The following PTK2 variants were observed in gnomAD, a reference collection of about 807,000 sequenced individuals.
The protein encoded by PTK2 is protein tyrosine kinase 2, also known as focal adhesion kinase 1.
In PTK2, 45 loss-of-function variants were observed where a neutral mutation model predicts 150.1. That is an observed-to-expected ratio of 0.30 (90% CI 0.24 to 0.38). The LOEUF (loss-of-function observed/expected upper bound fraction) is 0.38. Ranked by LOEUF, PTK2 falls within the 10% of genes least tolerant of loss-of-function variation. PTK2 has a pLI of 1.00. For missense variants in PTK2, 919 were observed against 1,307.3 expected (o/e 0.70, Z 4.58); for synonymous variants, 432 against 449.2 (o/e 0.96, Z 0.48).
intron 10 of PTK2, among the ~76,000 whole-genome samples, chr8:140,817,411 G>A (rs1465846182): frequency 6.6e-6 from 1 of 152,096 alleles, no homozygotes; most frequent in Non-Finnish European, 1.5e-5. Flanking sequence ...GTCAAGGTAT[G>A]AATAAATTAA....
At chr8:140,689,229 C>A (rs1326514015) in intron 26 of PTK2, among the ~76,000 whole-genome samples, 1 of 152,150 alleles carries the variant, frequency 6.6e-6, no homozygotes, top group Non-Finnish European at 1.5e-5. Flanking sequence ...TCTGCCACTG[C>A]CTGAATGAAG....
chr8:140,780,908 G>A (rs1429781470), intron 14 of PTK2, among the ~76,000 whole-genome samples: 3 of 152,098 alleles, frequency 2.0e-5, no homozygotes. Context: ...ATGATGATAC[G>A]AAAAATCATG....
At chr8:140,792,074 A>G (rs1199940104) in intron 13 of PTK2, among the ~76,000 whole-genome samples, 1 of 152,228 alleles carries the variant, frequency 6.6e-6, no homozygotes, top group Non-Finnish European at 1.5e-5. Flanking sequence ...AGAAGTACAC[A>G]GAAAAGAGTT....
intron 8 of PTK2, among the ~76,000 whole-genome samples, chr8:140,828,605 T>C (rs1416214761): frequency 2.6e-5 from 4 of 152,208 alleles, no homozygotes; most frequent in African/African-American, 4.8e-5. Context: ...GACATAACCA[T>C]CAACAGAACA....
intron 2 of PTK2, among the ~76,000 whole-genome samples, chr8:140,915,033 C>CAAAAAA (rs10661609): frequency 4.9e-4 from 26 of 53,036 alleles, no homozygotes; most frequent in Non-Finnish European, 6.5e-4. Context: ...AACTCCAACT[C>CAAAAAA]AAAAAAAAAA....
rs73356570 is a variant in PTK2, at chr8:140,983,498, C to G, written c.-122+17627G>C. 4.2e-3 allele frequency among the ~76,000 whole-genome samples: 645 copies of G among 152,180 alleles called. 9 individuals carry two copies. The highest frequency in any genetic ancestry group is 0.015 in the African/African-American group (604 of 41,510). On this transcript the variant is annotated intron_variant, in intron 1 of 31. Coordinates refer to ENST00000522684, the Ensembl canonical transcript of PTK2. ...TGTATTATCTTAAAGTTTTCCAAGT[C>G]CTTGTTGAAGCCCCAATACAAACAC...
chr8:140,884,457 C>T lies in PTK2; in HGVS notation c.196-4820G>A, dbSNP rs1300044404. Among the ~76,000 whole-genome samples the T allele has an allele frequency of 4.6e-5, 7 of 152,244 alleles. No homozygotes were observed. The East Asian group carries it at 9.7e-4, about 21-fold the overall frequency. ...ATTTGAATCCGTAACAATCAATGTT[C>T]AATTGATTGTTATTAATAATCAATT... On this transcript the variant is annotated intron_variant, in intron 3 of 31. Transcript: ENST00000522684.
At chr8:140,659,531 T>C in exon 32 of PTK2, 1 of 1,613,824 alleles carries the variant, frequency 6.2e-7, no homozygotes, top group Non-Finnish European at 8.5e-7. Context: ...AGTAAGTTTT[T>C]GGCATCCACA....
At chr8:140,890,716 G>A in exon 3 of PTK2, 1 of 1,614,046 alleles carries the variant, frequency 6.2e-7, no homozygotes, top group Non-Finnish European at 8.5e-7. Context: ...TTCAAGTTGG[G>A]GTCAAGGTAA....
chr8:140,727,636 C>T (rs1257667505), intron 22 of PTK2, among the ~76,000 whole-genome samples: 3 of 151,994 alleles, frequency 2.0e-5, no homozygotes, highest in African/African-American at 7.3e-5. Flanking sequence ...CCTAGAACTT[C>T]TAATTTAAAG....
chr8:140,816,647 T>C (rs964919657), intron 10 of PTK2, among the ~76,000 whole-genome samples: 2 of 152,224 alleles, frequency 1.3e-5, no homozygotes, highest in African/African-American at 4.8e-5. Flanking sequence ...GTACATGATA[T>C]GAGCAGTTAA....
At chr8:140,993,334 G>A (rs1038396156) in intron 1 of PTK2, among the ~76,000 whole-genome samples, 1 of 152,136 alleles carries the variant, frequency 6.6e-6, no homozygotes, top group African/African-American at 2.4e-5. Context: ...TTTAAGTGAC[G>A]TTCTTTACCA....
rs539291385 is a variant in PTK2 at position 140,745,898 on chromosome 8, G to C, written c.1518+862C>G. ...GCCTGTAGTCCCAGATACTCAGGAG[G>C]CTGAGGCAAGAGTAGTGCTTGAACC... On this transcript the variant is annotated intron_variant, in intron 18 of 31. Coordinates refer to ENST00000522684, the Ensembl canonical transcript of PTK2. Among the ~76,000 whole-genome samples the C allele has an allele frequency of 1.7e-3, 263 of 151,832 alleles. 1 individual carries two copies. The highest frequency in any genetic ancestry group is 5.9e-3 in the African/African-American group (243 of 41,356).
At chr8:140,799,184 A>T (rs2100093494) in intron 12 of PTK2, 1 of 152,002 alleles carries the variant, frequency 6.6e-6, no homozygotes, top group Admixed American at 6.6e-5. Flanking sequence ...GGGTCCAATG[A>T]CTCCTCTCTA....
intron 1 of PTK2, among the ~76,000 whole-genome samples, chr8:140,968,357 C>T (rs2100186027): frequency 6.6e-6 from 1 of 152,090 alleles, no homozygotes; most frequent in Non-Finnish European, 1.5e-5. Flanking sequence ...AGGAACTGTA[C>T]TTATGAACAT....
chr8:140,684,870 C>T (rs1344487082), intron 27 of PTK2, among the ~76,000 whole-genome samples: 3 of 152,128 alleles, frequency 2.0e-5, no homozygotes, highest in Non-Finnish European at 4.4e-5. Context: ...CAATAACATG[C>T]TTTACAGAAT....
At chr8:140,792,772 G>A (rs1321992150) in intron 13 of PTK2, among the ~76,000 whole-genome samples, 2 of 152,194 alleles carry the variant, frequency 1.3e-5, no homozygotes, top group Non-Finnish European at 2.9e-5. Context: ...CAGTGTCTTG[G>A]AAAGTGTAAA....
intron 1 of PTK2, among the ~76,000 whole-genome samples, chr8:140,981,406 G>A (rs2100191371): frequency 6.6e-6 from 1 of 152,148 alleles, no homozygotes; most frequent in Non-Finnish European, 1.5e-5. Context: ...AGAACCTGTG[G>A]GGCAGGAGGG....
chr8:140,940,558 C>T lies in PTK2; in HGVS notation c.-121-14809G>A, dbSNP rs2100175340. 2.0e-5 allele frequency: 3 copies of T among 152,214 alleles called. No homozygotes were observed. In the South Asian group the frequency reaches 6.2e-4, roughly 32 times the overall value. 9.4% of individuals were successfully genotyped at this position (152,214 alleles called of 1,614,324 possible). A position where few individuals can be genotyped will look rare whatever the true frequency, so the allele number is the denominator to read the frequency against. ...GGGACATCACTTGCCAAAATATGAC[C>T]ATGGTCTACAGCCATGCCATCCAAT... On this transcript the variant is annotated intron_variant, in intron 1 of 31. Transcript: ENST00000522684.
Sources: gnomAD v4.1 joint callset for allele counts (sites outside exome capture counted in the v4.1 genomes callset) on GRCh38, gnomAD v4.1.1 for gene constraint, MANE v1.5 for transcripts, NCBI Gene and HGNC (gene_info 2026-07-23, HGNC 2026-07-21) for gene names.